PTH2R: variants seen among roughly 807,000 people sequenced by gnomAD.
PTH2R encodes the protein PTH2 receptor.
In PTH2R, 59 loss-of-function variants were observed where a neutral mutation model predicts 60.3. The observed-to-expected ratio is 0.98, with a 90% confidence interval of 0.79 to 1.22. The LOEUF (loss-of-function observed/expected upper bound fraction) is 1.22. Ranked by LOEUF, PTH2R falls within the 50% of genes most tolerant of loss-of-function variation. The pLI, the probability that PTH2R is intolerant of heterozygous loss-of-function variation, is 0.00. For synonymous variants in PTH2R, 256 were observed against 243.8 expected, an observed-to-expected ratio of 1.05 and a Z score of -0.47; for missense variants, 749 against 682.6, an observed-to-expected ratio of 1.10 and a Z score of -1.08.
intron 4 of PTH2R, among the ~76,000 whole-genome samples, chr2:208,442,051 T>G (rs932549088): frequency 3.3e-5 from 5 of 152,134 alleles, no homozygotes; most frequent in Admixed American, 6.6e-5. Context: ...TCCTAAGAAG[T>G]CTAAGAATAG....
At chr2:208,484,750 G>A in intron 10 of PTH2R, among the ~76,000 whole-genome samples, 1 of 152,136 alleles carries the variant, frequency 6.6e-6, no homozygotes, top group East Asian at 1.9e-4. Flanking sequence ...CGTAGCATGA[G>A]AGTAAAGAGG....
intron 9 of PTH2R, among the ~76,000 whole-genome samples, chr2:208,470,741 G>A (rs1340613988): frequency 1.3e-5 from 2 of 152,170 alleles, no homozygotes; most frequent in African/African-American, 2.4e-5. Context: ...GCACTGCTGA[G>A]AAGATACCTG....
chr2:208,461,163 T>C (rs1428403467), intron 9 of PTH2R, among the ~76,000 whole-genome samples: 1 of 152,152 alleles, frequency 6.6e-6, no homozygotes, highest in East Asian at 1.9e-4. Context: ...ATTAACAAAT[T>C]GGTCCCAATT....
In PTH2R at chr2:208,444,738, G is replaced by A. The variant is rs1484720801; in HGVS notation, c.704G>A (p.Gly235Glu). Residue 235 changes from glycine (G) to glutamate (E), a missense_variant, in exon 7 of 13, where the codon GGG (glycine) becomes GAG (glutamate). Transcript: ENST00000272847. ...ATTCTGGTTTATTTGTAATAGATCG[G>A]GTGCAAGATTGCTGTTGTGATGTTT... Reference protein sequence around the residue: ...ATSVDKSQYIGCKIAVVMFIY... With the variant: ...ATSVDKSQYIECKIAVVMFIY... 1.2e-6 allele frequency: 2 copies of A among 1,612,932 alleles called. No homozygotes were observed. The highest frequency in any genetic ancestry group is 1.7e-6 in the Non-Finnish European group (2 of 1,179,526).
At chr2:208,471,338 T>C (rs1702874900) in intron 9 of PTH2R, among the ~76,000 whole-genome samples, 1 of 152,152 alleles carries the variant, frequency 6.6e-6, no homozygotes, top group Admixed American at 6.5e-5. Context: ...ATCACAGGCC[T>C]GGAGGTTTAG....
rs184021172 is a variant in PTH2R, at chr2:208,457,526, A to T, written c.915-2369A>T. Among the ~76,000 whole-genome samples the T allele has an allele frequency of 2.4e-3, 367 of 152,340 alleles. 6 individuals carry two copies. Among genetic ancestry groups the T allele is most frequent in the Non-Finnish European group, 4.1e-4 (28 of 68,032 alleles). On this transcript the variant is annotated intron_variant, in intron 8 of 12. Coordinates refer to ENST00000272847, the MANE Select transcript of PTH2R (RefSeq NM_005048.4). ...TGGTACAGATATGCAAAGAAATAAA[A>T]CATACACTTTTAAAAGGAAAAAGCA...
intron 12 of PTH2R, among the ~76,000 whole-genome samples, chr2:208,491,676 C>T (rs899260008): frequency 1.3e-4 from 19 of 151,796 alleles, no homozygotes; most frequent in African/African-American, 4.4e-4. Flanking sequence ...TCCTACCCCC[C>T]GCCCCCCAAG....
At chr2:208,488,782 C>T (rs550145751) in intron 10 of PTH2R, among the ~76,000 whole-genome samples, 1 of 152,266 alleles carries the variant, frequency 6.6e-6, no homozygotes, top group South Asian at 2.1e-4. Flanking sequence ...GATGCTGAGA[C>T]AGGAGGATTG....
intron 1 of PTH2R, among the ~76,000 whole-genome samples, chr2:208,411,712 C>A (rs1471012956): frequency 6.6e-6 from 1 of 151,772 alleles, no homozygotes; most frequent in African/African-American, 2.4e-5. Flanking sequence ...TTTTTCTTTT[C>A]TCTGGGTTAT....
At position 208,493,597 on chromosome 2, in the gene PTH2R, A is replaced by T; in HGVS notation, c.1591A>T (p.Arg531Trp). The change falls in exon 13 of 13, where the codon AGG (arginine) becomes TGG (tryptophan). Residue 531 changes from arginine to tryptophan, a missense_variant. Coordinates refer to ENST00000272847, the MANE Select transcript of PTH2R (RefSeq NM_005048.4). ...GDDILMEKPSRPMESNPDTEG... is the reference protein window; with the variant it reads ...GDDILMEKPSWPMESNPDTEG... ...TGATATTCTAATGGAGAAGCCTTCC[A>T]GGCCTATGGAATCTAACCCAGACAC... 1.2e-6 allele frequency: 2 copies of T among 1,604,208 alleles called. No individual in the cohort carries two copies. The highest frequency in any genetic ancestry group is 3.4e-5 in the Admixed American group (2 of 59,438).
intron 8 of PTH2R, among the ~76,000 whole-genome samples, chr2:208,451,541 T>G (rs977272192): frequency 3.3e-5 from 5 of 152,146 alleles, no homozygotes; most frequent in African/African-American, 1.2e-4. Flanking sequence ...ATATTATGAA[T>G]GTTTAGAGCT....
rs758734257 is a variant in PTH2R, at chr2:208,360,103, A to AT, written c.-386dup. ...TAAAAACGGAGAGTTTTTAAAAATG[A>AT]TTTTTTTCCCTCGAAAATGACCTTT... On this transcript the variant is annotated 5_prime_UTR_variant, in exon 1 of 13. Transcript: ENST00000617735. The AT allele has an allele frequency of 1.8e-4, 72 of 399,412 alleles. 1 individual carries two copies. The highest frequency in any genetic ancestry group is 8.6e-4 in the South Asian group (48 of 55,700). 24.7% of individuals were successfully genotyped at this position (399,412 alleles called of 1,614,324 possible).
intron 1 of PTH2R, among the ~76,000 whole-genome samples, chr2:208,385,372 G>A (rs1700983689): frequency 6.6e-6 from 1 of 151,946 alleles, no homozygotes; most frequent in Admixed American, 6.6e-5. Context: ...TACCCTTGTT[G>A]CTTGTCAAAT....
intron 1 of PTH2R, among the ~76,000 whole-genome samples, chr2:208,392,337 G>C (rs908762996): frequency 6.6e-6 from 1 of 152,150 alleles, no homozygotes; most frequent in Non-Finnish European, 1.5e-5. Flanking sequence ...CTAATCTTTA[G>C]GTTATTAATA....
chr2:208,441,018 G>C (rs1702169996), intron 4 of PTH2R, among the ~76,000 whole-genome samples: 1 of 152,186 alleles, frequency 6.6e-6, no homozygotes. Flanking sequence ...CAGGCCAGGA[G>C]AAGGGCAGGG....
chr2:208,422,251 C>A (rs1701770964), intron 1 of PTH2R, among the ~76,000 whole-genome samples: 1 of 152,124 alleles, frequency 6.6e-6, no homozygotes, highest in African/African-American at 2.4e-5. Flanking sequence ...TGCGGGAGGG[C>A]AATCGGCTTT....
At chr2:208,415,418 T>A (rs1701621783) in intron 1 of PTH2R, among the ~76,000 whole-genome samples, 1 of 152,218 alleles carries the variant, frequency 6.6e-6, no homozygotes. Context: ...TTCGCATGGC[T>A]GTTTGGTGCG....
chr2:208,397,297 A>T (rs996523312), intron 1 of PTH2R, among the ~76,000 whole-genome samples: 2 of 152,064 alleles, frequency 1.3e-5, no homozygotes, highest in Non-Finnish European at 2.9e-5. Flanking sequence ...TAGAATTTAA[A>T]GTATAATTAA....
chr2:208,361,623 A>G (rs1700476041), intron 1 of PTH2R, among the ~76,000 whole-genome samples: 1 of 152,064 alleles, frequency 6.6e-6, no homozygotes, highest in Admixed American at 6.6e-5. Context: ...GGCAGCTACC[A>G]TTTCTGTTTC....
Sources: gnomAD v4.1 joint callset for allele counts (sites outside exome capture counted in the v4.1 genomes callset) on GRCh38, gnomAD v4.1.1 for gene constraint, MANE v1.5 for transcripts, NCBI Gene and HGNC (gene_info 2026-07-23, HGNC 2026-07-21) for gene names.